The following DHX40 variants were observed in gnomAD, a reference collection of about 807,000 sequenced individuals.
DHX40 encodes DEAH-box helicase 40, also known as probable ATP-dependent RNA helicase DHX40.
A neutral mutation model predicts 89.6 loss-of-function variants in DHX40; 28 were observed. That is an observed-to-expected ratio of 0.31 (90% CI 0.23 to 0.43). DHX40 has a LOEUF of 0.43. DHX40 is among the 20% of genes least tolerant of loss of function. The pLI, the probability that DHX40 is intolerant of heterozygous loss-of-function variation, is 1.00. For missense variants in DHX40, 457 were observed against 844.0 expected, an observed-to-expected ratio of 0.54 and a Z score of 5.68; for synonymous variants, 226 against 283.6, an observed-to-expected ratio of 0.80 and a Z score of 2.04.
At chr17:59,598,943 G>A in intron 13 of DHX40, 92 bp downstream of exon 13, 2 of 678,732 alleles carry the variant, frequency 2.9e-6, no homozygotes, top group East Asian at 2.6e-5. Context: ...CTAACGTTCA[G>A]TGAAGATGAT....
chr17:59,571,889 C>G (rs536959685), intron 3 of DHX40, among the ~76,000 whole-genome samples: 42 of 152,210 alleles, frequency 2.8e-4, no homozygotes, highest in African/African-American at 1.0e-3. Flanking sequence ...GTTCTACTTT[C>G]TGTCTCTACA....
chr17:59,605,398 T>C, intron 16 of DHX40, 48 bp from the exon 17 acceptor site: 1 of 1,560,366 alleles, frequency 6.4e-7, no homozygotes, highest in African/African-American at 1.4e-5. Context: ...TAATGTGGAA[T>C]AGGGCAGGTT....
Position 59,566,642 on chromosome 17 carries a change from C to T in DHX40, c.128C>T (p.Thr43Met). Residue 43 changes from threonine to methionine, a missense_variant, in exon 2 of 18, where the codon ACG becomes ATG. Coordinates refer to ENST00000251241, the MANE Select transcript of DHX40 (RefSeq NM_024612.5). ...CIADREEKGC[T>M]SQEGGTTPTF... ...GTTATTACAGAAGAGAAAGGATGCA[C>T]GTCCCAGGAGGGAGGAACTACTCCA... 1.9e-6 allele frequency: 3 copies of T among 1,585,266 alleles called. No individual in the cohort carries two copies. The highest frequency in any genetic ancestry group is 1.2e-5 in the South Asian group (1 of 85,158).
intron 3 of DHX40, among the ~76,000 whole-genome samples, chr17:59,571,099 T>C (rs1324482695): frequency 6.6e-6 from 1 of 152,152 alleles, no homozygotes; most frequent in Non-Finnish European, 1.5e-5. Flanking sequence ...TTTATTGTAG[T>C]AAAATATATA....
At chr17:59,605,397 A>T in intron 16 of DHX40, 49 bp from the exon 17 acceptor site, 2 of 1,560,488 alleles carry the variant, frequency 1.3e-6, no homozygotes, top group Non-Finnish European at 1.8e-6. Context: ...TTAATGTGGA[A>T]TAGGGCAGGT....
intron 12 of DHX40, among the ~76,000 whole-genome samples, chr17:59,595,966 T>C (rs188722118): frequency 1.9e-4 from 29 of 152,274 alleles, no homozygotes; most frequent in Non-Finnish European, 3.4e-4. Flanking sequence ...ACTGAGTTTT[T>C]GCTTATACAG....
At chr17:59,598,208 G>C (rs1375306716) in intron 12 of DHX40, among the ~76,000 whole-genome samples, 1 of 152,006 alleles carries the variant, frequency 6.6e-6, no homozygotes, top group Non-Finnish European at 1.5e-5. Flanking sequence ...TATATGTACT[G>C]ATATGGAGTT....
In DHX40 at chr17:59,607,387, A is replaced by G. The variant is rs564096346; in HGVS notation, c.*215A>G. 2.9e-5 allele frequency: 25 copies of G among 853,696 alleles called. No individual in the cohort carries two copies. Among genetic ancestry groups the G allele is most frequent in the Non-Finnish European group, 4.4e-5 (24 of 544,832 alleles). The allele number at this position is 853,696 out of a possible 1,614,324, so 52.9% of individuals were successfully genotyped here. ...GATTTGGTTGCCATAGTCATAAGCA[A>G]TGATACATGAAACCAATGAAAGACA... On this transcript the variant is annotated 3_prime_UTR_variant, in exon 18 of 18. Coordinates refer to ENST00000251241, the MANE Select transcript of DHX40 (RefSeq NM_024612.5).
intron 17 of DHX40, among the ~76,000 whole-genome samples, chr17:59,605,962 A>G (rs565499748): frequency 2.0e-5 from 3 of 151,718 alleles, no homozygotes; most frequent in Admixed American, 6.6e-5. Context: ...GTGAGACACT[A>G]TCTCTAAAAA....
chr17:59,570,155 TAC>T (rs1489998388), intron 2 of DHX40, among the ~76,000 whole-genome samples: 86 of 128,548 alleles, frequency 6.7e-4, no homozygotes, highest in Middle Eastern at 3.7e-3. Flanking sequence ...AATTATATAA[TAC>T]ATATAATATG....
At chr17:59,565,845 G>A in intron 1 of DHX40, 62 bp downstream of exon 1, 3 of 1,397,374 alleles carry the variant, frequency 2.1e-6, no homozygotes. Context: ...TTTGGTGGGG[G>A]GATGAAAGTA....
At chr17:59,604,813 G>A (rs903391543) in intron 15 of DHX40, 2 of 273,958 alleles carry the variant, frequency 7.3e-6, no homozygotes, top group Non-Finnish European at 1.4e-5. Flanking sequence ...TTGAATTTTA[G>A]TTTTGACTTT....
intron 12 of DHX40, among the ~76,000 whole-genome samples, chr17:59,596,423 T>G (rs2030080193): frequency 6.6e-6 from 1 of 152,052 alleles, no homozygotes; most frequent in Non-Finnish European, 1.5e-5. Context: ...TAAAAATTAT[T>G]TGGGTGTGGT....
At chr17:59,591,024 A>T (rs1342511688) in intron 12 of DHX40, among the ~76,000 whole-genome samples, 1 of 151,030 alleles carries the variant, frequency 6.6e-6, no homozygotes, top group African/African-American at 2.4e-5. Flanking sequence ...AAATTAAAAA[A>T]TAGGCCAGGT....
intron 2 of DHX40, among the ~76,000 whole-genome samples, chr17:59,568,968 C>T (rs1016756216): frequency 6.6e-6 from 1 of 152,012 alleles, no homozygotes; most frequent in Non-Finnish European, 1.5e-5. Flanking sequence ...TTCTGAGTAG[C>T]CAGGCTCCTG....
Position 59,581,077 on chromosome 17 carries a change from G to A in DHX40, c.1343+1198G>A, listed in dbSNP as rs186241656. The stretch of plus-strand genomic sequence containing the variant: ...AGCCTGGTCAACAGAGCGAGATTCT[G>A]TCTCAAAAAAAACAAAACAAAACAA... On this transcript the variant is annotated intron_variant, in intron 10 of 17. Transcript: ENST00000251241. 2.7e-5 allele frequency among the ~76,000 whole-genome samples: 4 copies of A among 150,528 alleles called. No individual in the cohort carries two copies. In the East Asian group the frequency reaches 7.8e-4, roughly 29 times the overall value.
At chr17:59,568,798 C>T (rs2143192724) in intron 2 of DHX40, among the ~76,000 whole-genome samples, 1 of 151,238 alleles carries the variant, frequency 6.6e-6, no homozygotes, top group African/African-American at 2.4e-5. Context: ...TAAGATGCAG[C>T]TCCATTCCCA....
intron 3 of DHX40, among the ~76,000 whole-genome samples, chr17:59,572,724 A>G (rs2048828405): frequency 6.6e-6 from 1 of 152,192 alleles, no homozygotes; most frequent in South Asian, 2.1e-4. Context: ...GTGGGTGGAA[A>G]GTATGCACCT....
intron 15 of DHX40, chr17:59,604,213 A>G (rs2030706265): frequency 6.6e-6 from 1 of 152,290 alleles, no homozygotes; most frequent in East Asian, 1.9e-4. Context: ...TGATTGTAAG[A>G]AGTGCACAGT....
Sources: allele counts gnomAD v4.1 joint callset (sites outside exome capture counted in the v4.1 genomes callset), GRCh38; gene constraint gnomAD v4.1.1; transcripts MANE v1.5; gene names NCBI Gene and HGNC (gene_info 2026-07-23, HGNC 2026-07-21).